JAKMIP1: variants seen among roughly 807,000 people sequenced by gnomAD.
JAKMIP1 encodes janus kinase and microtubule-interacting protein 1.
In JAKMIP1, 33 loss-of-function variants were observed where a neutral mutation model predicts 113.0. The ratio of observed to expected loss-of-function variants is 0.29; its 90% confidence interval spans 0.22 to 0.39. The LOEUF (loss-of-function observed/expected upper bound fraction) is 0.39, where lower values mean the gene tolerates loss of function less well. Ranked by LOEUF, JAKMIP1 falls within the 10% of genes least tolerant of loss-of-function variation. The pLI, the probability that JAKMIP1 is intolerant of heterozygous loss-of-function variation, is 1.00. For missense variants in JAKMIP1, 813 were observed against 1,080.5 expected (o/e 0.75, Z 3.47); for synonymous variants, 480 against 459.9 (o/e 1.04, Z -0.56).
chr4:6,133,426 A>G (rs1369800450), intron 1 of JAKMIP1, among the ~76,000 whole-genome samples: 3 of 152,222 alleles, frequency 2.0e-5, no homozygotes, highest in Non-Finnish European at 4.4e-5. Flanking sequence ...CAATAGAGAG[A>G]CAGAGCCCAT....
rs539466959 is a variant in JAKMIP1, at chr4:6,145,383, C to T, written c.-147-32386G>A. On this transcript the variant is annotated intron_variant, in intron 1 of 20. Coordinates refer to ENST00000409021, the MANE Select transcript of JAKMIP1 (RefSeq NM_001099433.2). The stretch of plus-strand genomic sequence containing the variant: ...ATTAGTGGAGGCACCAAAATTTGAA[C>T]CCAGACAGTTTGACTCCAATATTCA... Among the ~76,000 whole-genome samples the T allele has an allele frequency of 8.5e-5, 13 of 152,264 alleles. No homozygotes were observed. In the South Asian group the frequency reaches 2.3e-3, roughly 27 times the overall value.
rs1725936964 is a variant in JAKMIP1 at position 6,180,817 on chromosome 4, T to A, written c.-148+19436A>T. The stretch of plus-strand genomic sequence containing the variant: ...TTGTTCTCAGAGGGCCATGGCACAT[T>A]GAGCAGGGAGGAGTCTAGCTGCTCA... On this transcript the variant is annotated intron_variant, in intron 1 of 20. Transcript: ENST00000409021. This position sits in a 1 kb window ranked among gnomAD's most constrained non-coding sequence, Gnocchi z 4.5. Among the ~76,000 whole-genome samples the A allele has an allele frequency of 6.6e-6, 1 of 152,176 alleles. No homozygotes were observed. Among genetic ancestry groups the A allele is most frequent in the Non-Finnish European group, 1.5e-5 (1 of 68,038 alleles).
intron 5 of JAKMIP1, among the ~76,000 whole-genome samples, chr4:6,082,115 G>T (rs74486544): frequency 0.039 from 5,915 of 152,034 alleles, 173 homozygotes; most frequent in African/African-American, 0.079. Context: ...TTCCCCATCC[G>T]CATTTTATAG....
chr4:6,080,066 A>T lies in JAKMIP1; in HGVS notation c.1242+106T>A, dbSNP rs1336182472. 2.2e-6 allele frequency: 3 copies of T among 1,337,162 alleles called. No individual in the cohort carries two copies. Among genetic ancestry groups the T allele is most frequent in the Non-Finnish European group, 3.0e-6 (3 of 990,320 alleles). 82.8% of individuals were successfully genotyped at this position (1,337,162 alleles called of 1,614,324 possible). On this transcript the variant is annotated intron_variant, in intron 7 of 20. Coordinates refer to ENST00000409021, the MANE Select transcript of JAKMIP1 (RefSeq NM_001099433.2). This position sits in a 1 kb window ranked among gnomAD's most constrained non-coding sequence, Gnocchi z 6.0. Reference sequence around the variant, plus strand: ...CCAAAGTCAGCACTGCCTGACCCTGACCCAGCTCAGCAGCATCACCCTGAG... The same window carrying T: ...CCAAAGTCAGCACTGCCTGACCCTGTCCCAGCTCAGCAGCATCACCCTGAG...
intron 1 of JAKMIP1, among the ~76,000 whole-genome samples, chr4:6,161,725 A>G (rs572684267): frequency 5.7e-4 from 87 of 152,092 alleles, no homozygotes; most frequent in African/African-American, 2.1e-3. Context: ...CTGTGTCCTC[A>G]TTGGTCCTGG....
At chr4:6,096,213 C>T (rs1421562397) in intron 3 of JAKMIP1, among the ~76,000 whole-genome samples, 1 of 152,200 alleles carries the variant, frequency 6.6e-6, no homozygotes, top group Non-Finnish European at 1.5e-5. Context: ...AAAAAAAATC[C>T]TGGCTAATTT....
Position 6,094,475 on chromosome 4 carries a change from A to T in JAKMIP1, c.625-8846T>A, listed in dbSNP as rs1722532983. ...GGGCTTGGCAGACAGGCATGGGAGTAAACAAACCTACCAACCTCCGGGGCC... is the reference window on the plus strand; with the variant it reads ...GGGCTTGGCAGACAGGCATGGGAGTTAACAAACCTACCAACCTCCGGGGCC... On this transcript the variant is annotated intron_variant, in intron 3 of 20. Transcript: ENST00000409021. The surrounding 1 kb of genome is among the most constrained non-coding windows in gnomAD (Gnocchi z 4.2). 1.3e-5 allele frequency among the ~76,000 whole-genome samples: 2 copies of T among 152,134 alleles called. No homozygotes were observed. Among genetic ancestry groups the T allele is most frequent in the Non-Finnish European group, 2.9e-5 (2 of 68,026 alleles).
rs751115602 is a variant in JAKMIP1, at chr4:6,084,966, C to CAAA, written c.835-2_835-1insTTT. On this transcript the variant is annotated splice_acceptor_variant, in intron 4 of 20. Coordinates refer to ENST00000409021, the MANE Select transcript of JAKMIP1 (RefSeq NM_001099433.2). LOFTEE classifies it high-confidence loss of function. ...CATCTCGCTCGTCCATATGTTGATCCTAAAAAAAAAAAAAAAAAAAAAAAA... is the reference window on the plus strand; with the variant it reads ...CATCTCGCTCGTCCATATGTTGATCCAAATAAAAAAAAAAAAAAAAAAAAAAAA... The CAAA allele has an allele frequency of 1.6e-5, 3 of 187,338 alleles. No individual in the cohort carries two copies. Among genetic ancestry groups the CAAA allele is most frequent in the Non-Finnish European group, 2.5e-5 (3 of 120,520 alleles). The allele number at this position is 187,338 out of a possible 1,614,324, so 11.6% of individuals were successfully genotyped here. A position where few individuals can be genotyped will look rare whatever the true frequency, so the allele number is the denominator to read the frequency against.
At chr4:6,045,747 C>T (rs781608276) in intron 16 of JAKMIP1, among the ~76,000 whole-genome samples, 2 of 152,150 alleles carry the variant, frequency 1.3e-5, no homozygotes, top group Non-Finnish European at 2.9e-5. Context: ...CGGCATATGC[C>T]TATAATCCCA....
Position 6,081,885 on chromosome 4 carries a change from TG to T in JAKMIP1, c.955-131del. Reference sequence around the variant, plus strand: ...AGGCCAGTGTCCTGGATGACACATTTGTTTGCTAGTTGCATGACAATGGGCA... The same window carrying T: ...AGGCCAGTGTCCTGGATGACACATTTTTTGCTAGTTGCATGACAATGGGCA... On this transcript the variant is annotated intron_variant, in intron 5 of 20. Transcript: ENST00000409021. The surrounding 1 kb of genome is among the most constrained non-coding windows in gnomAD (Gnocchi z 4.6). The T allele has an allele frequency of 1.0e-6, 1 of 1,000,688 alleles. No homozygotes were observed. The highest frequency in any genetic ancestry group is 1.6e-5 in the African/African-American group (1 of 62,158). The allele number at this position is 1,000,688 out of a possible 1,614,324, so 62.0% of individuals were successfully genotyped here.
In JAKMIP1 at chr4:6,081,046, T is replaced by C. The variant is rs895414363; in HGVS notation, c.1101+563A>G. 6.8e-6 allele frequency among the ~76,000 whole-genome samples: 1 copy of C among 147,972 alleles called. No individual in the cohort carries two copies. Among genetic ancestry groups the C allele is most frequent in the Admixed American group, 6.8e-5 (1 of 14,772 alleles). On this transcript the variant is annotated intron_variant, in intron 6 of 20. Transcript: ENST00000409021. This position sits in a 1 kb window ranked among gnomAD's most constrained non-coding sequence, Gnocchi z 4.6. ...CTGCTACAGTGCAGACAGCAGAGCATGTGTGGTGACAGAGCCTCCGTCTTC... is the reference window on the plus strand; with the variant it reads ...CTGCTACAGTGCAGACAGCAGAGCACGTGTGGTGACAGAGCCTCCGTCTTC...
chr4:6,046,724 G>C (rs911221481), intron 16 of JAKMIP1, among the ~76,000 whole-genome samples: 2 of 152,220 alleles, frequency 1.3e-5, no homozygotes, highest in Non-Finnish European at 2.9e-5. Flanking sequence ...TAATCTCACA[G>C]ATGCCCAGAG....
chr4:6,149,073 A>G (rs12108364), intron 1 of JAKMIP1, among the ~76,000 whole-genome samples: 9,179 of 152,214 alleles, frequency 0.06, 833 homozygotes, highest in African/African-American at 0.2. Context: ...ACCCCCAGGA[A>G]ACAGTGGCCG....
Position 6,085,431 on chromosome 4 carries a change from T to G in JAKMIP1, c.823A>C (p.Met275Leu), listed in dbSNP as rs1181985173. The stretch of plus-strand genomic sequence containing the variant: ...CTGCTGCCCCTCACCTGGACGCCCA[T>G]GAGCTCCACCATGTCCCCGATCCCG... The part of the protein sequence containing the change: ...PPGIGDMVEL[M>L]GVQDQHMDER... Residue 275 changes from methionine to leucine, a missense_variant, in exon 4 of 21, where the codon ATG becomes CTG. By Grantham distance (15) the Met-to-Leu change is conservative. Transcript: ENST00000409021. 6.2e-7 allele frequency: 1 copy of G among 1,613,192 alleles called. No individual in the cohort carries two copies. The highest frequency in any genetic ancestry group is 8.5e-7 in the Non-Finnish European group (1 of 1,179,938).
At position 6,180,711 on chromosome 4, in the gene JAKMIP1, C is replaced by T. The variant is rs1411056319; in HGVS notation, c.-148+19542G>A. ...GTGAAGTACTTTGACCAACATGACC[C>T]AATTAGCAAGTGGGGGTGGAGGTTG... On this transcript the variant is annotated intron_variant, in intron 1 of 20. Transcript: ENST00000409021. The surrounding 1 kb of genome is among the most constrained non-coding windows in gnomAD (Gnocchi z 4.5). 6.6e-6 allele frequency among the ~76,000 whole-genome samples: 1 copy of T among 152,118 alleles called. No individual in the cohort carries two copies. Among genetic ancestry groups the T allele is most frequent in the Non-Finnish European group, 1.5e-5 (1 of 68,018 alleles).
chr4:6,137,030 C>T lies in JAKMIP1; in HGVS notation c.-147-24033G>A, dbSNP rs1169056097. On this transcript the variant is annotated intron_variant, in intron 1 of 20. Coordinates refer to ENST00000409021, the MANE Select transcript of JAKMIP1 (RefSeq NM_001099433.2). This position sits in a 1 kb window ranked among gnomAD's most constrained non-coding sequence, Gnocchi z 4.5. ...ACTCTGCAGCCTATTCCCTCCAGTC[C>T]TCCTCTGCACCAGTAATCAAACTCC... Among the ~76,000 whole-genome samples, 2 of 152,162 alleles carry T rather than the reference C, an allele frequency of 1.3e-5. No individual in the cohort carries two copies. The highest frequency in any genetic ancestry group is 2.4e-5 in the African/African-American group (1 of 41,432).
At chr4:6,198,404 G>A (rs1049496877) in intron 1 of JAKMIP1, among the ~76,000 whole-genome samples, 1 of 152,126 alleles carries the variant, frequency 6.6e-6, no homozygotes, top group Non-Finnish European at 1.5e-5. Context: ...CTGAGACATT[G>A]TGGCAGGGAG....
rs2108964252 is a variant in JAKMIP1, at chr4:6,142,482, T to C, written c.-147-29485A>G. Among the ~76,000 whole-genome samples the C allele has an allele frequency of 6.6e-6, 1 of 152,372 alleles. No individual in the cohort carries two copies. Among genetic ancestry groups the C allele is most frequent in the East Asian group, 1.9e-4 (1 of 5,190 alleles). ...CACATGAGAGAAGTCCTACGTACACTCAGCAATATGTAACAGTTAAGGGAT... is the reference window on the plus strand; with the variant it reads ...CACATGAGAGAAGTCCTACGTACACCCAGCAATATGTAACAGTTAAGGGAT... On this transcript the variant is annotated intron_variant, in intron 1 of 20. Transcript: ENST00000409021. This position sits in a 1 kb window ranked among gnomAD's most constrained non-coding sequence, Gnocchi z 5.5.
rs1184103778 is a variant in JAKMIP1, at chr4:6,076,154, C to A, written c.1302+2785G>T. ...TTGTGCCATTGCACTCCAGCCCAGG[C>A]AACAAGAGCGAAACTCCATCTCAAA... is the stretch of plus-strand genomic sequence containing the variant. On this transcript the variant is annotated intron_variant, in intron 8 of 20. Coordinates refer to ENST00000409021, the MANE Select transcript of JAKMIP1 (RefSeq NM_001099433.2). The surrounding 1 kb of genome is among the most constrained non-coding windows in gnomAD (Gnocchi z 4.8). Among the ~76,000 whole-genome samples, 1 of 151,962 alleles carries A rather than the reference C, an allele frequency of 6.6e-6. No individual in the cohort carries two copies. The highest frequency in any genetic ancestry group is 1.5e-5 in the Non-Finnish European group (1 of 68,006).
Sources: gnomAD v4.1 joint callset for allele counts (sites outside exome capture counted in the v4.1 genomes callset) on GRCh38, gnomAD v4.1.1 for gene constraint, Gnocchi (gnomAD v3.1) non-coding constraint, MANE v1.5 for transcripts, NCBI Gene and HGNC (gene_info 2026-07-23, HGNC 2026-07-21) for gene names.